CFAP77: variants seen among roughly 807,000 people sequenced by gnomAD.
CFAP77 encodes the protein cilia- and flagella-associated protein 77.
A neutral mutation model predicts 31.1 loss-of-function variants in CFAP77; 25 were observed. The ratio of observed to expected loss-of-function variants is 0.80; its 90% CI spans 0.59 to 1.12. The LOEUF (loss-of-function observed/expected upper bound fraction) is 1.12, where lower values mean the gene tolerates loss of function less well. CFAP77 is among the 50% of genes most tolerant of loss of function. The pLI, the probability that CFAP77 is intolerant of heterozygous loss-of-function variation, is 0.00. For missense variants in CFAP77, 377 were observed against 397.3 expected (o/e 0.95, Z 0.44); for synonymous variants, 151 against 159.9 (o/e 0.94, Z 0.42).
rs770341691 is a variant in CFAP77, at chr9:132,565,319, G to T, written c.733-7069G>T. 2.6e-5 allele frequency among the ~76,000 whole-genome samples: 4 copies of T among 151,838 alleles called. No individual in the cohort carries two copies. Among genetic ancestry groups the T allele is most frequent in the Non-Finnish European group, 5.9e-5 (4 of 67,992 alleles). On this transcript the variant is annotated intron_variant, in intron 5 of 5. Transcript: ENST00000393216. The surrounding 1 kb of genome is among the most constrained non-coding windows in gnomAD (Gnocchi z 4.1). ...CCCCAGATGGAGGTAGATTTCCCCA[G>T]TCCACAATCTTATTAAATAGCTCTT...
intron 1 of CFAP77, among the ~76,000 whole-genome samples, chr9:132,433,939 C>A (rs1317628315): frequency 1.3e-5 from 2 of 150,390 alleles, no homozygotes; most frequent in African/African-American, 2.5e-5. Context: ...GAGTTAGAGA[C>A]CAGCCTGGGC....
At chr9:132,427,677 T>C (rs547357665) in intron 1 of CFAP77, among the ~76,000 whole-genome samples, 1 of 152,284 alleles carries the variant, frequency 6.6e-6, no homozygotes, top group South Asian at 2.1e-4. Context: ...GCCAAAGGGC[T>C]GGTTCCTCCT....
At chr9:132,502,281 G>GGGC (rs1851861458) in intron 3 of CFAP77, among the ~76,000 whole-genome samples, 1 of 104,946 alleles carries the variant, frequency 9.5e-6, no homozygotes, top group Non-Finnish European at 2.1e-5. Flanking sequence ...TTTTTTTGGG[G>GGGC]GAGGGGGGTG....
At chr9:132,458,032 C>T (rs551977051) in intron 1 of CFAP77, among the ~76,000 whole-genome samples, 7 of 152,290 alleles carry the variant, frequency 4.6e-5, no homozygotes, top group East Asian at 1.9e-4. Context: ...CTCCCTCCCT[C>T]GTCATATTTT....
intron 1 of CFAP77, among the ~76,000 whole-genome samples, chr9:132,485,685 C>T (rs1449471373): frequency 1.3e-5 from 2 of 152,082 alleles, no homozygotes; most frequent in Non-Finnish European, 2.9e-5. Flanking sequence ...ACAAGTGACA[C>T]TTGACTGCAA....
At position 132,523,376 on chromosome 9, in the gene CFAP77, A is replaced by G. The variant is rs372286555; in HGVS notation, c.525-14225A>G. On this transcript the variant is annotated intron_variant, in intron 3 of 5. Coordinates refer to ENST00000393216, the MANE Select transcript of CFAP77 (RefSeq NM_001282957.2). Reference sequence around the variant, plus strand: ...AGTGCTGGGATTACAGATATGAGCCACTGCGCCCGACCTTCCAGTCTTTTT... The same window carrying G: ...AGTGCTGGGATTACAGATATGAGCCGCTGCGCCCGACCTTCCAGTCTTTTT... 1.3e-4 allele frequency among the ~76,000 whole-genome samples: 20 copies of G among 152,330 alleles called. No individual in the cohort carries two copies. The East Asian group carries it at 1.5e-3, about 12-fold the overall frequency.
intron 1 of CFAP77, among the ~76,000 whole-genome samples, chr9:132,462,938 C>T (rs1467619854): frequency 6.6e-6 from 1 of 150,688 alleles, no homozygotes; most frequent in Non-Finnish European, 1.5e-5. Flanking sequence ...TCTCCAGCAC[C>T]AGGTCCAAGG....
chr9:132,495,123 C>T lies in CFAP77; in HGVS notation c.196-3572C>T, dbSNP rs114168697. On this transcript the variant is annotated intron_variant, in intron 1 of 5. Coordinates refer to ENST00000393216, the MANE Select transcript of CFAP77 (RefSeq NM_001282957.2). The surrounding 1 kb of genome is among the most constrained non-coding windows in gnomAD (Gnocchi z 4.2). Reference sequence around the variant, plus strand: ...AGAACTTCCAGCACAGAGGGCTTAGCGCTGAGTGGGTACAAAATAAATATT... The same window carrying T: ...AGAACTTCCAGCACAGAGGGCTTAGTGCTGAGTGGGTACAAAATAAATATT... Among the ~76,000 whole-genome samples, 17 of 152,126 alleles carry T rather than the reference C, an allele frequency of 1.1e-4. No individual in the cohort carries two copies. Among genetic ancestry groups the T allele is most frequent in the East Asian group, 7.7e-4 (4 of 5,176 alleles).
chr9:132,504,774 C>G (rs1160479655), intron 3 of CFAP77, among the ~76,000 whole-genome samples: 1 of 141,060 alleles, frequency 7.1e-6, no homozygotes, highest in African/African-American at 2.7e-5. Context: ...ACTGAGATGC[C>G]CAACCTGCGT....
chr9:132,441,977 C>G (rs776156553), intron 1 of CFAP77, among the ~76,000 whole-genome samples: 2 of 152,202 alleles, frequency 1.3e-5, no homozygotes, highest in Non-Finnish European at 2.9e-5. Context: ...TGGGCCAGCC[C>G]AGAGTATCTT....
rs1239956518 is a variant in CFAP77, at chr9:132,562,445, T to C, written c.733-9943T>C. Among the ~76,000 whole-genome samples, 8 of 152,352 alleles carry C rather than the reference T, an allele frequency of 5.3e-5. No homozygotes were observed. The East Asian group carries it at 5.8e-4, about 11-fold the overall frequency. ...AGCAGATTCACACATATGCTGGAGC[T>C]AAACAGGGAAGCGTTTTGTATGTTT... On this transcript the variant is annotated intron_variant, in intron 5 of 5. Coordinates refer to ENST00000393216, the MANE Select transcript of CFAP77 (RefSeq NM_001282957.2).
intron 5 of CFAP77, among the ~76,000 whole-genome samples, chr9:132,559,878 G>T (rs887239674): frequency 5.9e-5 from 9 of 152,142 alleles, no homozygotes; most frequent in African/African-American, 2.2e-4. Context: ...GCTATAACGT[G>T]GATGAACCTT....
chr9:132,424,897 C>A lies in CFAP77; in HGVS notation c.195+14431C>A, dbSNP rs1312985085. ...AAACACGGCTCCCTTCTTCTCCCCA[C>A]CTCCCTAATCAGAGAGAGCAAATTG... On this transcript the variant is annotated intron_variant, in intron 1 of 5. Coordinates refer to ENST00000393216, the MANE Select transcript of CFAP77 (RefSeq NM_001282957.2). The surrounding 1 kb of genome is among the most constrained non-coding windows in gnomAD (Gnocchi z 4.1). Among the ~76,000 whole-genome samples, 2 of 152,212 alleles carry A rather than the reference C, an allele frequency of 1.3e-5. No homozygotes were observed. The highest frequency in any genetic ancestry group is 2.9e-5 in the Non-Finnish European group (2 of 68,032).
At chr9:132,548,682 G>A (rs1049919793) in intron 5 of CFAP77, among the ~76,000 whole-genome samples, 7 of 151,978 alleles carry the variant, frequency 4.6e-5, no homozygotes, top group Admixed American at 6.5e-5. Context: ...TGGCTGGCGG[G>A]GGGGTCTCCA....
In CFAP77 at chr9:132,454,515, G is replaced by A. The variant is rs12683375; in HGVS notation, c.195+44049G>A. ...TTCCATTTGCAAGTAAAGGGAACAG[G>A]TGCTGAAATCGGCATCTCTGATATT... On this transcript the variant is annotated intron_variant, in intron 1 of 5. Transcript: ENST00000393216. Among the ~76,000 whole-genome samples, 216 of 152,312 alleles carry A rather than the reference G, an allele frequency of 1.4e-3. 3 individuals are homozygous for A. In the East Asian group the frequency reaches 0.03, roughly 21 times the overall value.
rs1686730999 is a variant in CFAP77, at chr9:132,499,408, C to T, written c.332C>T (p.Thr111Ile). Reference protein sequence around the residue: ...GRWNVFKQQPTCPHELTRNYI... With the variant: ...GRWNVFKQQPICPHELTRNYI... The stretch of plus-strand genomic sequence containing the variant: ...TGGAACGTGTTCAAGCAGCAGCCCA[C>T]CTGCCCCCACGAGCTGACCCGGAAT... Residue 111 changes from threonine (T) to isoleucine (I), a missense_variant, in exon 3 of 6, where the codon ACC (threonine) becomes ATC (isoleucine). Transcript: ENST00000393216. The surrounding 1 kb of genome is among the most constrained non-coding windows in gnomAD (Gnocchi z 5.4). The T allele has an allele frequency of 6.2e-7, 1 of 1,614,244 alleles. No homozygotes were observed. The highest frequency in any genetic ancestry group is 8.5e-7 in the Non-Finnish European group (1 of 1,180,046).
At chr9:132,519,866 G>T (rs1852238517) in intron 3 of CFAP77, among the ~76,000 whole-genome samples, 3 of 144,802 alleles carry the variant, frequency 2.1e-5, no homozygotes, top group African/African-American at 5.1e-5. Context: ...GTGGATGAAT[G>T]GATGGATGGA....
intron 1 of CFAP77, among the ~76,000 whole-genome samples, chr9:132,483,239 C>T (rs961750721): frequency 6.6e-6 from 1 of 152,094 alleles, no homozygotes; most frequent in Non-Finnish European, 1.5e-5. Flanking sequence ...CCATTGCACT[C>T]CATCCTGGGC....
chr9:132,422,840 G>A (rs1450252459), intron 1 of CFAP77, among the ~76,000 whole-genome samples: 1 of 152,234 alleles, frequency 6.6e-6, no homozygotes, highest in Non-Finnish European at 1.5e-5. Flanking sequence ...GTGGCAGCGT[G>A]CTGCGATGTG....
Sources: gnomAD v4.1 joint callset for allele counts (sites outside exome capture counted in the v4.1 genomes callset) on GRCh38, gnomAD v4.1.1 for gene constraint, Gnocchi (gnomAD v3.1) non-coding constraint, MANE v1.5 for transcripts, NCBI Gene and HGNC (gene_info 2026-07-23, HGNC 2026-07-21) for gene names.